Variants in SLCO3A1 observed in about 807,000 individuals in gnomAD.
The protein encoded by SLCO3A1 is solute carrier organic anion transporter family member 3A1.
Under a neutral mutation model 63.1 loss-of-function variants are expected in SLCO3A1, and 27 were observed. The ratio of observed to expected loss-of-function variants is 0.43; its 90% CI spans 0.32 to 0.59. SLCO3A1 has a LOEUF of 0.59. Ranked by LOEUF, SLCO3A1 falls within the 20% of genes least tolerant of loss-of-function variation. The probability of loss-of-function intolerance (pLI) is 0.09; values close to 1 mark genes in which losing one functional copy is unlikely to be tolerated. For missense variants in SLCO3A1, 773 were observed against 945.8 expected (o/e 0.82, Z 2.40); for synonymous variants, 473 against 409.9 (o/e 1.15, Z -1.86).
intron 7 of SLCO3A1, among the ~76,000 whole-genome samples, chr15:92,135,633 A>G (rs576976799): frequency 3.3e-5 from 5 of 152,216 alleles, no homozygotes; most frequent in East Asian, 3.8e-4. Context: ...GTAATAAATG[A>G]CAGGAGACTG....
chr15:92,053,692 G>GTTTTTTT (rs1491517930), intron 2 of SLCO3A1, among the ~76,000 whole-genome samples: 1 of 28,934 alleles, frequency 3.5e-5, no homozygotes, highest in African/African-American at 7.0e-5. Flanking sequence ...TTGTTTGTTT[G>GTTTTTTT]TTTGTTTTTT....
chr15:92,045,293 A>AG, intron 2 of SLCO3A1, among the ~76,000 whole-genome samples: 1 of 151,680 alleles, frequency 6.6e-6, no homozygotes, highest in East Asian at 1.9e-4. Flanking sequence ...AAAAAAAAAA[A>AG]AAATTGTCTC....
chr15:92,083,661 CATAAG>C (rs1404255887), intron 2 of SLCO3A1, among the ~76,000 whole-genome samples: 1 of 152,158 alleles, frequency 6.6e-6, no homozygotes, highest in Non-Finnish European at 1.5e-5. Flanking sequence ...AAAAATTACT[CATAAG>C]AAATAAGCCT....
At chr15:91,982,192 G>A (rs753982219) in intron 2 of SLCO3A1, among the ~76,000 whole-genome samples, 4 of 152,210 alleles carry the variant, frequency 2.6e-5, no homozygotes, top group Non-Finnish European at 4.4e-5. Context: ...GGGTCATGCC[G>A]GCCACACATT....
At position 92,104,169 on chromosome 15, in the gene SLCO3A1, G is replaced by A. The variant is rs138544413; in HGVS notation, c.746-110G>A. 3.0e-4 allele frequency: 383 copies of A among 1,290,392 alleles called. 1 individual carries two copies. In the African/African-American group the frequency reaches 4.3e-3, roughly 14 times the overall value. The allele number at this position is 1,290,392 out of a possible 1,614,324, so 79.9% of individuals were successfully genotyped here. A position where few individuals can be genotyped will look rare whatever the true frequency, so the allele number is the denominator to read the frequency against. On this transcript the variant is annotated intron_variant, in intron 3 of 9. Coordinates refer to ENST00000318445, the MANE Select transcript of SLCO3A1 (RefSeq NM_013272.4). ...TGGCAGCCAGTGTTCCCGACCGCAA[G>A]TCATTTCTAGAGCCCTTGCCCTCTC...
intron 2 of SLCO3A1, among the ~76,000 whole-genome samples, chr15:91,988,959 A>G (rs2046090667): frequency 6.6e-6 from 1 of 152,160 alleles, no homozygotes; most frequent in Non-Finnish European, 1.5e-5. Context: ...TCTCTCTCTC[A>G]TACTTAACTT....
In SLCO3A1 at chr15:92,162,773, C is replaced by G; in HGVS notation, c.1771C>G (p.Leu591Val). 3 of 1,613,504 alleles carry G rather than the reference C, an allele frequency of 1.9e-6. No homozygotes were observed. The highest frequency in any genetic ancestry group is 2.5e-6 in the Non-Finnish European group (3 of 1,179,654). Residue 591 changes from leucine to valine, a missense_variant, in exon 10 of 10, where the codon CTC becomes GTC. This residue lies in a region of SLCO3A1 where 565 missense variants were observed against 749.8 expected (regional missense o/e 0.75). Coordinates refer to ENST00000318445, the MANE Select transcript of SLCO3A1 (RefSeq NM_013272.4). ...LRLLGFIPPP[L>V]IFGAGIDSTC... ...GGTAACAGGCTTCATCCCTCCACCCCTCATCTTCGGGGCTGGCATCGACTC... is the reference window on the plus strand; with the variant it reads ...GGTAACAGGCTTCATCCCTCCACCCGTCATCTTCGGGGCTGGCATCGACTC...
At chr15:91,957,128 A>C (rs567512047) in intron 2 of SLCO3A1, among the ~76,000 whole-genome samples, 9 of 23,222 alleles carry the variant, frequency 3.9e-4, no homozygotes, top group African/African-American at 2.5e-3. Context: ...TATATATAAT[A>C]TATATACTAT....
intron 2 of SLCO3A1, 36 bp from the exon 3 acceptor site, chr15:92,094,845 G>C (rs931941322): frequency 1.4e-6 from 2 of 1,395,848 alleles, no homozygotes; most frequent in Non-Finnish European, 2.0e-6. Flanking sequence ...AATAGCTTCT[G>C]TTTTGTAATC....
intron 2 of SLCO3A1, among the ~76,000 whole-genome samples, chr15:92,053,488 T>G (rs2046982680): frequency 6.6e-6 from 1 of 152,136 alleles, no homozygotes; most frequent in Non-Finnish European, 1.5e-5. Context: ...AGTTTTTCGC[T>G]AATATCATCT....
chr15:91,890,395 A>G (rs1031803968), intron 1 of SLCO3A1, among the ~76,000 whole-genome samples: 2 of 152,100 alleles, frequency 1.3e-5, no homozygotes, highest in African/African-American at 4.8e-5. Context: ...CATATATTAT[A>G]TCCTGGGTCT....
At chr15:92,120,651 C>T in intron 5 of SLCO3A1, 22 bp downstream of exon 5, 1 of 1,604,720 alleles carries the variant, frequency 6.2e-7, no homozygotes, top group Non-Finnish European at 8.5e-7. Context: ...CTCAGGCCTC[C>T]TGAGAGGGTC....
At chr15:92,002,966 A>G (rs1280526852) in intron 2 of SLCO3A1, among the ~76,000 whole-genome samples, 1 of 152,210 alleles carries the variant, frequency 6.6e-6, no homozygotes, top group Non-Finnish European at 1.5e-5. Context: ...AAATCTGAAC[A>G]GTAGAGATGA....
At chr15:92,087,617 C>A (rs2047422387) in intron 2 of SLCO3A1, among the ~76,000 whole-genome samples, 1 of 149,154 alleles carries the variant, frequency 6.7e-6, no homozygotes, top group Non-Finnish European at 1.5e-5. Flanking sequence ...CTCCCAGGTT[C>A]AAGCAATTCT....
intron 2 of SLCO3A1, among the ~76,000 whole-genome samples, chr15:91,965,899 C>T (rs963109567): frequency 1.3e-5 from 2 of 152,120 alleles, no homozygotes; most frequent in South Asian, 4.1e-4. Flanking sequence ...GATTCCAGCT[C>T]CTTGCTTTCA....
intron 2 of SLCO3A1, among the ~76,000 whole-genome samples, chr15:92,019,581 T>G (rs2046481814): frequency 6.6e-6 from 1 of 152,196 alleles, no homozygotes; most frequent in Non-Finnish European, 1.5e-5. Context: ...GAACTGCATC[T>G]TGAGGGATGG....
chr15:91,915,904 G>GT, intron 1 of SLCO3A1, 89 bp from the exon 2 acceptor site: 1 of 1,136,380 alleles, frequency 8.8e-7, no homozygotes, highest in Non-Finnish European at 1.3e-6. Context: ...TCCCGGGGGG[G>GT]ATGGGCAGAG....
downstream of SLCO3A1, among the ~76,000 whole-genome samples, chr15:92,167,644 C>G (rs2048500547): frequency 6.6e-6 from 1 of 152,224 alleles, no homozygotes; most frequent in Admixed American, 6.5e-5. Context: ...GGAATACTCT[C>G]TCACTGGTGG....
At chr15:92,116,912 T>C (rs2047802412) in intron 4 of SLCO3A1, among the ~76,000 whole-genome samples, 1 of 152,206 alleles carries the variant, frequency 6.6e-6, no homozygotes, top group Non-Finnish European at 1.5e-5. Context: ...AGAATGTTCT[T>C]CATGCAAATA....
Sources: allele counts gnomAD v4.1 joint callset (sites outside exome capture counted in the v4.1 genomes callset), GRCh38; gene constraint gnomAD v4.1.1; regional missense constraint gnomAD v4.1.1; transcripts MANE v1.5; gene names NCBI Gene and HGNC (gene_info 2026-07-23, HGNC 2026-07-21).